Variants in GRIA1 observed in about 807,000 individuals in gnomAD.
GRIA1 encodes the protein glutamate receptor 1.
GRIA1 carries 31 observed loss-of-function variants against 99.2 expected under a neutral mutation model. That is an observed-to-expected ratio of 0.31 (90% confidence interval 0.23 to 0.42). The LOEUF (loss-of-function observed/expected upper bound fraction) is 0.42. GRIA1 is among the 10% of genes least tolerant of loss of function. The probability of loss-of-function intolerance (pLI) is 1.00; values close to 1 mark genes in which losing one functional copy is unlikely to be tolerated. For missense variants in GRIA1, 782 were observed against 1,157.5 expected (o/e 0.68, Z 4.71); for synonymous variants, 438 against 432.4 (o/e 1.01, Z -0.16).
chr5:153,571,294 G>A (rs1167375549), intron 2 of GRIA1, among the ~76,000 whole-genome samples: 3 of 152,136 alleles, frequency 2.0e-5, no homozygotes. Flanking sequence ...GGGACATGTA[G>A]GCTCACGGGG....
Position 153,705,943 on chromosome 5 carries a change from A to C in GRIA1, c.1699A>C (p.Ser567Arg). ...VSRFSPYEWH[S>R]EEFEEGRDQT... ...CCGCTTCAGTCCCTATGAATGGCAC[A>C]GTGAAGAGTTTGAGGAAGGACGGGA... The change falls in exon 11 of 16, where the codon AGT (serine) becomes CGT (arginine). Residue 567 changes from serine to arginine, a missense_variant. This residue lies in a region of GRIA1 where 39 missense variants were observed against 43.5 expected (regional missense o/e 0.90). Transcript: ENST00000285900. 1 of 1,614,018 alleles carries C rather than the reference A, an allele frequency of 6.2e-7. No homozygotes were observed. The highest frequency in any genetic ancestry group is 8.5e-7 in the Non-Finnish European group (1 of 1,179,986).
At chr5:153,577,889 G>C (rs542762085) in intron 2 of GRIA1, among the ~76,000 whole-genome samples, 4 of 151,890 alleles carry the variant, frequency 2.6e-5, no homozygotes, top group African/African-American at 9.7e-5. Context: ...AGTGGCTCGC[G>C]CCTGTAATCC....
At chr5:153,600,817 A>G (rs72802654) in intron 2 of GRIA1, among the ~76,000 whole-genome samples, 197 of 152,342 alleles carry the variant, frequency 1.3e-3, no homozygotes, top group Non-Finnish European at 2.3e-3. Context: ...AGAGATTGCC[A>G]ACCCAAAAGA....
chr5:153,614,143 A>G (rs1453670746), intron 2 of GRIA1, among the ~76,000 whole-genome samples: 1 of 152,052 alleles, frequency 6.6e-6, no homozygotes, highest in Non-Finnish European at 1.5e-5. Flanking sequence ...TAGATCACAC[A>G]CCATACCACC....
intron 2 of GRIA1, among the ~76,000 whole-genome samples, chr5:153,607,677 C>T (rs545548982): frequency 8.9e-4 from 136 of 152,164 alleles, no homozygotes; most frequent in Middle Eastern, 3.4e-3. Context: ...TTGCCACTTA[C>T]ACCCTTTTCC....
intron 5 of GRIA1, among the ~76,000 whole-genome samples, chr5:153,673,504 C>A (rs960082646): frequency 6.6e-6 from 1 of 152,152 alleles, no homozygotes; most frequent in Non-Finnish European, 1.5e-5. Context: ...TATGACTTTT[C>A]AAAAATGTTT....
intron 10 of GRIA1, among the ~76,000 whole-genome samples, chr5:153,700,309 A>C (rs55793417): frequency 0.1 from 15,319 of 152,176 alleles, 877 homozygotes; most frequent in African/African-American, 0.15. Context: ...CACTTGAACC[A>C]AGGAGATAGA....
At chr5:153,636,788 G>A (rs1753392185) in intron 2 of GRIA1, among the ~76,000 whole-genome samples, 1 of 152,210 alleles carries the variant, frequency 6.6e-6, no homozygotes, top group African/African-American at 2.4e-5. Context: ...AGTAATTCAT[G>A]TAAGGCACTT....
intron 11 of GRIA1, among the ~76,000 whole-genome samples, chr5:153,745,238 C>G (rs10063691): frequency 0.59 from 89,723 of 151,506 alleles, 27,279 homozygotes; most frequent in East Asian, 0.94. Flanking sequence ...TGTTTATGTT[C>G]GTCCCTTCCT....
rs565135381 is a variant in GRIA1 at position 153,499,625 on chromosome 5, A to C, written c.220+5560A>C. On this transcript the variant is annotated intron_variant, in intron 2 of 15. Transcript: ENST00000285900. ...CGAGAATTTGTCTCAAAAAAAAAAA[A>C]AAAAAAAAAAAAAAACTATGAATAT... Among the ~76,000 whole-genome samples the C allele has an allele frequency of 2.1e-4, 31 of 150,660 alleles. No individual in the cohort carries two copies. In the East Asian group the frequency reaches 5.8e-3, roughly 28 times the overall value.
At chr5:153,703,745 G>A (rs1758693026) in intron 10 of GRIA1, among the ~76,000 whole-genome samples, 1 of 152,124 alleles carries the variant, frequency 6.6e-6, no homozygotes, top group South Asian at 2.1e-4. Flanking sequence ...CTCAAAAAAA[G>A]AAAAGGCAAT....
intron 8 of GRIA1, among the ~76,000 whole-genome samples, chr5:153,687,110 G>T (rs56329503): frequency 6.6e-6 from 1 of 152,016 alleles, no homozygotes; most frequent in Non-Finnish European, 1.5e-5. Context: ...ATTCCCCAAC[G>T]AAGCCTTCTC....
At chr5:153,726,841 A>G (rs1247645763) in intron 11 of GRIA1, among the ~76,000 whole-genome samples, 1 of 152,216 alleles carries the variant, frequency 6.6e-6, no homozygotes, top group Non-Finnish European at 1.5e-5. Flanking sequence ...TTCTGAAACT[A>G]TTCCAATCAA....
chr5:153,609,550 C>A (rs1434969683), intron 2 of GRIA1, among the ~76,000 whole-genome samples: 5 of 116,660 alleles, frequency 4.3e-5, no homozygotes, highest in Admixed American at 2.8e-4. Context: ...GATTCAGACT[C>A]TTTTCTTTTT....
intron 12 of GRIA1, among the ~76,000 whole-genome samples, chr5:153,769,280 C>T (rs946128119): frequency 6.6e-6 from 1 of 152,122 alleles, no homozygotes; most frequent in African/African-American, 2.4e-5. Flanking sequence ...CTAGGTCCCA[C>T]CTCAGAATTG....
intron 2 of GRIA1, among the ~76,000 whole-genome samples, chr5:153,561,907 G>T (rs1457523259): frequency 1.3e-5 from 2 of 152,218 alleles, no homozygotes; most frequent in South Asian, 2.1e-4. Flanking sequence ...GACTGTGTAT[G>T]TGGGAATTTT....
At chr5:153,533,120 T>C (rs966747566) in intron 2 of GRIA1, among the ~76,000 whole-genome samples, 3 of 152,198 alleles carry the variant, frequency 2.0e-5, no homozygotes, top group Non-Finnish European at 4.4e-5. Flanking sequence ...TTTCACAGAA[T>C]GTTGTCTGAG....
In GRIA1 at chr5:153,802,617, G is replaced by A. The variant is rs560663821; in HGVS notation, c.2520+127G>A. On this transcript the variant is annotated intron_variant, in intron 15 of 15. Coordinates refer to ENST00000285900, the MANE Select transcript of GRIA1 (RefSeq NM_000827.4). ...GAGGTCAGCACAAGACAGGAAGCAG[G>A]AAGCTGTTACGAGGAAGGTGACGGG... The A allele has an allele frequency of 1.5e-5, 14 of 947,902 alleles. No homozygotes were observed. In the South Asian group the frequency reaches 1.5e-4, roughly 10 times the overall value. 58.7% of individuals were successfully genotyped at this position (947,902 alleles called of 1,614,324 possible). A position where few individuals can be genotyped will look rare whatever the true frequency, so the allele number is the denominator to read the frequency against.
At chr5:153,805,571 G>A (rs2149677050) in intron 15 of GRIA1, among the ~76,000 whole-genome samples, 1 of 152,274 alleles carries the variant, frequency 6.6e-6, no homozygotes, top group East Asian at 1.9e-4. Context: ...CCACCAAGCA[G>A]GAAAGCTCCT....
Sources: gnomAD v4.1 joint callset for allele counts (sites outside exome capture counted in the v4.1 genomes callset) on GRCh38, gnomAD v4.1.1 for gene constraint, gnomAD v4.1.1 regional missense constraint, MANE v1.5 for transcripts, NCBI Gene and HGNC (gene_info 2026-07-23, HGNC 2026-07-21) for gene names.